Variants in BABAM2 observed in about 807,000 individuals in gnomAD.
The protein encoded by BABAM2 is BRISC and BRCA1-A complex member 2.
Under a neutral mutation model 54.7 loss-of-function variants are expected in BABAM2, and 31 were observed. The ratio of observed to expected loss-of-function variants is 0.57; its 90% CI spans 0.43 to 0.77. The LOEUF is 0.77. Ranked by LOEUF, BABAM2 falls within the 30% of genes least tolerant of loss-of-function variation. BABAM2 has a pLI of 0.00. For synonymous variants in BABAM2, 167 were observed against 162.9 expected (o/e 1.03, Z -0.19); for missense variants, 364 against 455.8 (o/e 0.80, Z 1.83).
chr2:28,248,271 G>A (rs1248944735), intron 10 of BABAM2, among the ~76,000 whole-genome samples: 17 of 133,664 alleles, frequency 1.3e-4, no homozygotes, highest in African/African-American at 4.2e-4. Flanking sequence ...GTGGAATGAC[G>A]GGATCTCGGC....
intron 1 of BABAM2, 104 bp from the exon 2 acceptor site, chr2:27,894,429 T>C (rs1490671726): frequency 2.7e-6 from 3 of 1,102,126 alleles, no homozygotes; most frequent in Non-Finnish European, 4.0e-6. Flanking sequence ...ATGAATTATT[T>C]ATTCATGCAA....
At chr2:28,220,723 G>A (rs1680324332) in intron 7 of BABAM2, among the ~76,000 whole-genome samples, 1 of 152,170 alleles carries the variant, frequency 6.6e-6, no homozygotes, top group Non-Finnish European at 1.5e-5. Flanking sequence ...AATCCCAGGA[G>A]TTTGAGACCA....
chr2:28,300,003 A>G (rs796146090), intron 11 of BABAM2, among the ~76,000 whole-genome samples: 2 of 152,184 alleles, frequency 1.3e-5, no homozygotes, highest in African/African-American at 4.8e-5. Flanking sequence ...CAGTGGTGCA[A>G]TCTCGGCTCA....
At chr2:28,297,500 C>G (rs1040254862) in intron 10 of BABAM2, among the ~76,000 whole-genome samples, 2 of 152,064 alleles carry the variant, frequency 1.3e-5, no homozygotes, top group African/African-American at 4.8e-5. Context: ...TGATTTGCCT[C>G]AACTAATAAC....
chr2:28,241,867 T>G (rs1228840866), intron 9 of BABAM2, among the ~76,000 whole-genome samples: 1 of 98,030 alleles, frequency 1.0e-5, no homozygotes, highest in Non-Finnish European at 2.4e-5. Context: ...AGGATCCCTT[T>G]TTTTTTTTTT....
intron 5 of BABAM2, among the ~76,000 whole-genome samples, chr2:28,036,207 G>A (rs769073660): frequency 6.6e-6 from 1 of 152,034 alleles, no homozygotes; most frequent in African/African-American, 2.4e-5. Context: ...CAGCTGAGGC[G>A]GGTTTTAATG....
At position 27,974,060 on chromosome 2, in the gene BABAM2, AT is replaced by A. The variant is rs1230541377; in HGVS notation, c.206-13932del. Among the ~76,000 whole-genome samples, 13 of 152,312 alleles carry A rather than the reference AT, an allele frequency of 8.5e-5. No individual in the cohort carries two copies. The East Asian group carries it at 2.3e-3, about 27-fold the overall frequency. On this transcript the variant is annotated intron_variant, in intron 3 of 11. Transcript: ENST00000379624. ...AAATTGAATTTATAGTTAAAAAAAA[AT>A]CTTTCACAAATGAAATGCCAGACCC...
intron 4 of BABAM2, among the ~76,000 whole-genome samples, chr2:28,011,464 G>A (rs780541438): frequency 6.6e-5 from 10 of 152,152 alleles, no homozygotes; most frequent in Non-Finnish European, 1.2e-4. Context: ...TGTGTTACTA[G>A]GACATTGGTG....
intron 5 of BABAM2, among the ~76,000 whole-genome samples, chr2:28,034,224 G>A (rs1320147700): frequency 6.6e-6 from 1 of 152,196 alleles, no homozygotes; most frequent in Admixed American, 6.5e-5. Context: ...GTTGGAGAGG[G>A]AGAGTGATCT....
chr2:27,911,189 A>G (rs1666566523), intron 2 of BABAM2, among the ~76,000 whole-genome samples: 1 of 152,138 alleles, frequency 6.6e-6, no homozygotes, highest in Non-Finnish European at 1.5e-5. Context: ...CCAGTCTTGG[A>G]CATGTCTTTA....
At chr2:27,925,551 A>G (rs1667630814) in intron 2 of BABAM2, among the ~76,000 whole-genome samples, 1 of 152,072 alleles carries the variant, frequency 6.6e-6, no homozygotes, top group Admixed American at 6.5e-5. Flanking sequence ...TAAACACAAG[A>G]CTCATCCACA....
intron 10 of BABAM2, among the ~76,000 whole-genome samples, chr2:28,254,282 A>G (rs888763143): frequency 6.6e-6 from 1 of 152,262 alleles, no homozygotes; most frequent in East Asian, 1.9e-4. Flanking sequence ...GACTACAGGC[A>G]TGTGCCACCA....
intron 6 of BABAM2, among the ~76,000 whole-genome samples, chr2:28,077,673 G>T (rs1664806632): frequency 6.6e-6 from 1 of 152,014 alleles, no homozygotes; most frequent in Non-Finnish European, 1.5e-5. Context: ...TACCATGTTT[G>T]ATCCTATCTC....
chr2:28,185,405 A>G (rs1558416617), intron 7 of BABAM2, among the ~76,000 whole-genome samples: 2 of 152,210 alleles, frequency 1.3e-5, no homozygotes, highest in Non-Finnish European at 2.9e-5. Flanking sequence ...TCGTGGTAAC[A>G]TCTCAAGTAA....
chr2:28,015,313 T>C (rs183726733), intron 4 of BABAM2, among the ~76,000 whole-genome samples: 1 of 152,272 alleles, frequency 6.6e-6, no homozygotes, highest in African/African-American at 2.4e-5. Context: ...AAAATTAAAA[T>C]ACATTTATCT....
At chr2:28,163,148 G>T (rs1314585131) in intron 7 of BABAM2, among the ~76,000 whole-genome samples, 1 of 151,964 alleles carries the variant, frequency 6.6e-6, no homozygotes, top group Non-Finnish European at 1.5e-5. Context: ...ATCTTTTGTG[G>T]CCAGCCTAGT....
At chr2:28,216,738 A>G (rs1301750509) in intron 7 of BABAM2, among the ~76,000 whole-genome samples, 1 of 152,220 alleles carries the variant, frequency 6.6e-6, no homozygotes, top group Non-Finnish European at 1.5e-5. Context: ...CCATAAGAAG[A>G]AAGAAACAGT....
At chr2:28,307,766 T>C (rs933957527) in intron 11 of BABAM2, 1 of 152,178 alleles carries the variant, frequency 6.6e-6, no homozygotes, top group Admixed American at 6.5e-5. Context: ...ACCTTCCATC[T>C]TATTCTGTAG....
At chr2:27,924,127 A>G (rs1273244370) in intron 2 of BABAM2, among the ~76,000 whole-genome samples, 1 of 152,088 alleles carries the variant, frequency 6.6e-6, no homozygotes, top group East Asian at 1.9e-4. Flanking sequence ...GAATCATACT[A>G]TTTCCATGTA....
Sources: allele counts gnomAD v4.1 joint callset (sites outside exome capture counted in the v4.1 genomes callset), GRCh38; gene constraint gnomAD v4.1.1; transcripts MANE v1.5; gene names NCBI Gene and HGNC (gene_info 2026-07-23, HGNC 2026-07-21).